Variants in NKAIN2 observed in about 807,000 individuals in gnomAD.
The protein encoded by NKAIN2 is sodium/potassium-transporting ATPase subunit beta-1-interacting protein 2.
A neutral mutation model predicts 32.6 loss-of-function variants in NKAIN2; 14 were observed. The ratio of observed to expected loss-of-function variants is 0.43; its 90% CI spans 0.28 to 0.67. The LOEUF is 0.67. Among genes scored for constraint, NKAIN2 ranks in the 30% least tolerant of loss-of-function variants. The probability of loss-of-function intolerance (pLI) is 0.17; values close to 1 mark genes in which losing one functional copy is unlikely to be tolerated. For missense variants in NKAIN2, 198 were observed against 258.3 expected (o/e 0.77, Z 1.60); for synonymous variants, 80 against 87.2 (o/e 0.92, Z 0.46).
chr6:124,677,540 A>T (rs1773421455), intron 4 of NKAIN2, among the ~76,000 whole-genome samples: 1 of 152,156 alleles, frequency 6.6e-6, no homozygotes, highest in African/African-American at 2.4e-5. Flanking sequence ...TTTATTTAAA[A>T]CATCATATAG....
At chr6:123,962,898 C>T (rs1777909888) in intron 1 of NKAIN2, among the ~76,000 whole-genome samples, 1 of 152,172 alleles carries the variant, frequency 6.6e-6, no homozygotes, top group African/African-American at 2.4e-5. Flanking sequence ...TCTGCAGTTC[C>T]TCAAGTGTTT....
chr6:123,928,547 G>A (rs551757166), intron 1 of NKAIN2, among the ~76,000 whole-genome samples: 7 of 152,242 alleles, frequency 4.6e-5, no homozygotes, highest in South Asian at 2.1e-4. Context: ...GTCCTCCAGA[G>A]AAAATTCTAT....
intron 1 of NKAIN2, among the ~76,000 whole-genome samples, chr6:124,105,835 TC>T (rs1254951136): frequency 1.3e-5 from 2 of 152,196 alleles, no homozygotes; most frequent in African/African-American, 4.8e-5. Flanking sequence ...TCGTGCTACT[TC>T]CTTTGCTATT....
intron 1 of NKAIN2, among the ~76,000 whole-genome samples, chr6:124,020,195 G>C (rs901397866): frequency 6.6e-6 from 1 of 151,964 alleles, no homozygotes; most frequent in African/African-American, 2.4e-5. Flanking sequence ...CTTGTTCTTT[G>C]TATTTCCAAA....
intron 3 of NKAIN2, among the ~76,000 whole-genome samples, chr6:124,571,861 C>T (rs1274463548): frequency 6.6e-6 from 1 of 152,172 alleles, no homozygotes; most frequent in Admixed American, 6.5e-5. Flanking sequence ...CATAATTCTT[C>T]ACCTCATCAC....
At chr6:124,383,657 C>T (rs1772751930) in intron 3 of NKAIN2, among the ~76,000 whole-genome samples, 1 of 152,156 alleles carries the variant, frequency 6.6e-6, no homozygotes, top group Non-Finnish European at 1.5e-5. Flanking sequence ...AGCTCCAATG[C>T]CAATCTCAAG....
intron 3 of NKAIN2, among the ~76,000 whole-genome samples, chr6:124,447,184 A>G (rs1038750773): frequency 1.1e-4 from 16 of 151,970 alleles, no homozygotes; most frequent in African/African-American, 3.9e-4. Flanking sequence ...GTAACTATTC[A>G]TCAGTGTTTG....
chr6:123,826,390 T>C (rs1414568480), intron 1 of NKAIN2, among the ~76,000 whole-genome samples: 6 of 152,150 alleles, frequency 3.9e-5, no homozygotes, highest in African/African-American at 1.4e-4. Flanking sequence ...ATTTTAACCA[T>C]TTTTAAATGT....
chr6:123,822,674 A>T (rs922488400), intron 1 of NKAIN2, among the ~76,000 whole-genome samples: 1 of 152,132 alleles, frequency 6.6e-6, no homozygotes, highest in Non-Finnish European at 1.5e-5. Context: ...TTGTGAAAGG[A>T]TAGAGTTGGG....
At chr6:124,809,386 G>T (rs1288220555) in intron 5 of NKAIN2, among the ~76,000 whole-genome samples, 1 of 148,708 alleles carries the variant, frequency 6.7e-6, no homozygotes, top group Non-Finnish European at 1.5e-5. Flanking sequence ...ATGGGGAAAG[G>T]ATTCCCTATT....
chr6:124,127,310 G>C (rs917491354), intron 1 of NKAIN2, among the ~76,000 whole-genome samples: 6 of 152,188 alleles, frequency 3.9e-5, no homozygotes, highest in Admixed American at 3.9e-4. Context: ...GGTTCAGAGG[G>C]GAAGACTGAC....
intron 5 of NKAIN2, among the ~76,000 whole-genome samples, chr6:124,809,135 T>A (rs1024630036): frequency 2.0e-5 from 3 of 152,126 alleles, no homozygotes; most frequent in East Asian, 1.9e-4. Flanking sequence ...AAAAATACTT[T>A]AAAGTTCACA....
intron 1 of NKAIN2, among the ~76,000 whole-genome samples, chr6:123,936,938 T>C (rs1776538020): frequency 2.6e-5 from 4 of 152,138 alleles, no homozygotes; most frequent in Admixed American, 2.6e-4. Context: ...CATTCATTAC[T>C]GAAATCTGGC....
At chr6:124,145,079 A>G (rs1297020851) in intron 1 of NKAIN2, among the ~76,000 whole-genome samples, 2 of 152,216 alleles carry the variant, frequency 1.3e-5, no homozygotes, top group African/African-American at 4.8e-5. Context: ...ATAATCAGAT[A>G]TCACTACACA....
chr6:123,905,322 C>T (rs1426254745), intron 1 of NKAIN2, among the ~76,000 whole-genome samples: 1 of 152,060 alleles, frequency 6.6e-6, no homozygotes, highest in Non-Finnish European at 1.5e-5. Flanking sequence ...AGTGGGTTTG[C>T]ATCACAGCTG....
At chr6:124,148,216 G>T (rs1787518359) in intron 1 of NKAIN2, among the ~76,000 whole-genome samples, 1 of 151,818 alleles carries the variant, frequency 6.6e-6, no homozygotes. Flanking sequence ...GCACTTTTGT[G>T]ATTACTATTT....
intron 1 of NKAIN2, among the ~76,000 whole-genome samples, chr6:123,917,661 A>C (rs898651756): frequency 2.6e-5 from 4 of 151,822 alleles, no homozygotes; most frequent in Non-Finnish European, 2.9e-5. Flanking sequence ...ATCCCTTCCT[A>C]TGTCCCCATA....
chr6:124,301,759 A>G lies in NKAIN2; in HGVS notation c.192+18617A>G, dbSNP rs1197520298. 3.3e-5 allele frequency among the ~76,000 whole-genome samples: 5 copies of G among 152,184 alleles called. No individual in the cohort carries two copies. The Middle Eastern group carries it at 0.01, about 311-fold the overall frequency. ...GCCTGTAGCCCCTTCATTTTGGCCAATTTCTTTCATTTGGAATGGGCATAT... is the reference window on the plus strand; with the variant it reads ...GCCTGTAGCCCCTTCATTTTGGCCAGTTTCTTTCATTTGGAATGGGCATAT... On this transcript the variant is annotated intron_variant, in intron 2 of 6. Transcript: ENST00000368417.
At chr6:124,548,946 G>C (rs748113594) in intron 3 of NKAIN2, among the ~76,000 whole-genome samples, 1 of 152,148 alleles carries the variant, frequency 6.6e-6, no homozygotes, top group Non-Finnish European at 1.5e-5. Context: ...TTTTGAGAAA[G>C]AGTAGAAACT....
Sources: allele counts gnomAD v4.1 joint callset (sites outside exome capture counted in the v4.1 genomes callset), GRCh38; gene constraint gnomAD v4.1.1; transcripts MANE v1.5; gene names NCBI Gene and HGNC (gene_info 2026-07-23, HGNC 2026-07-21).